Variants in MDN1 observed in about 807,000 individuals in gnomAD.
MDN1 encodes midasin AAA ATPase 1.
Under a neutral mutation model 669.2 loss-of-function variants are expected in MDN1, and 266 were observed. The ratio of observed to expected loss-of-function variants is 0.40; its 90% CI spans 0.36 to 0.44. The LOEUF (loss-of-function observed/expected upper bound fraction) is 0.44. Among genes scored for constraint, MDN1 ranks in the 20% least tolerant of loss-of-function variants. The pLI, the probability that MDN1 is intolerant of heterozygous loss-of-function variation, is 1.00. For synonymous variants in MDN1, 2,385 were observed against 2,457.1 expected (o/e 0.97, Z 0.87); for missense variants, 5,940 against 6,754.0 (o/e 0.88, Z 4.22).
chr6:89,747,362 C>T lies in MDN1; in HGVS notation c.3871G>A (p.Glu1291Lys), dbSNP rs773588548. The T allele has an allele frequency of 3.1e-6, 5 of 1,614,120 alleles. No individual in the cohort carries two copies. The South Asian group carries it at 5.5e-5, about 18-fold the overall frequency. ...GCTAAATGCTGTAGCCAGTCATACT[C>T]CTTCTCGGTCGGCTCAGCCAATCTG... ...RYRLAEPTEK[E>K]YDWLQHLAND... The change falls in exon 27 of 102, where the codon GAG (glutamate) becomes AAG (lysine). Residue 1291 changes from glutamate (E) to lysine (K), a missense_variant. By Grantham distance (56) the Glu-to-Lys change is moderately conservative. This residue lies in a region of MDN1 where 2,292 missense variants were observed against 2,638.3 expected (regional missense o/e 0.87). Coordinates refer to ENST00000369393, the MANE Select transcript of MDN1 (RefSeq NM_014611.3).
chr6:89,687,512 T>G, intron 67 of MDN1, 74 bp from the exon 68 acceptor site: 1 of 1,357,052 alleles, frequency 7.4e-7, no homozygotes, highest in Non-Finnish European at 1.0e-6. Flanking sequence ...AAGAACATCT[T>G]GAACTTTGCT....
At chr6:89,814,877 T>TCCTAGAAACC (rs770962661) in intron 1 of MDN1, 20 of 496,572 alleles carry the variant, frequency 4.0e-5, no homozygotes, top group Admixed American at 3.8e-4. Flanking sequence ...GACAGGTACC[T>TCCTAGAAACC]CCTAGAAACC....
chr6:89,776,554 A>G (rs1217722616), intron 12 of MDN1, 46 bp downstream of exon 12: 1 of 1,471,660 alleles, frequency 6.8e-7, no homozygotes, highest in East Asian at 2.3e-5. Flanking sequence ...CAAGCAAAAA[A>G]TCCTAGCCTC....
intron 53 of MDN1, among the ~76,000 whole-genome samples, chr6:89,703,279 C>A (rs1285286744): frequency 6.6e-6 from 1 of 151,208 alleles, no homozygotes; most frequent in African/African-American, 2.4e-5. Flanking sequence ...TCTTCCATCA[C>A]CATTTACTGA....
At chr6:89,716,936 G>GCAAAACATTCTTCT in intron 43 of MDN1, 127 bp from the exon 44 acceptor site, 1 of 1,081,854 alleles carries the variant, frequency 9.2e-7, no homozygotes, top group Non-Finnish European at 1.3e-6. Context: ...ATAAATAGAA[G>GCAAAACATTCTTCT]AATGTTTTGC....
chr6:89,778,603 G>A (rs560705008), intron 11 of MDN1, among the ~76,000 whole-genome samples: 75 of 152,206 alleles, frequency 4.9e-4, no homozygotes, highest in Non-Finnish European at 9.4e-4. Flanking sequence ...GGCATAGGGT[G>A]ACTGGGCGCA....
chr6:89,719,795 C>CA (rs1027780779), intron 40 of MDN1, among the ~76,000 whole-genome samples: 7 of 152,088 alleles, frequency 4.6e-5, no homozygotes, highest in Admixed American at 3.3e-4. Context: ...AGTCAGCCTC[C>CA]AAAAAACATG....
At chr6:89,730,033 C>T (rs1293523191) in intron 35 of MDN1, among the ~76,000 whole-genome samples, 1 of 152,066 alleles carries the variant, frequency 6.6e-6, no homozygotes, top group Non-Finnish European at 1.5e-5. Context: ...ATAGAGAGGG[C>T]GGAGGGACAA....
intron 1 of MDN1, among the ~76,000 whole-genome samples, chr6:89,813,884 G>A: frequency 6.7e-6 from 1 of 149,388 alleles, no homozygotes. Context: ...TTTGAGACCA[G>A]CCTAGGCAAC....
At chr6:89,785,301 A>T (rs1204041095) in intron 8 of MDN1, among the ~76,000 whole-genome samples, 175 bp from the exon 9 acceptor site, 1 of 152,256 alleles carries the variant, frequency 6.6e-6, no homozygotes, top group African/African-American at 2.4e-5. Context: ...TGAAAGGCTG[A>T]CAGTTAACCC....
intron 39 of MDN1, 126 bp from the exon 40 acceptor site, chr6:89,723,269 CCT>C: frequency 1.0e-6 from 1 of 989,026 alleles, no homozygotes; most frequent in Non-Finnish European, 1.5e-6. Flanking sequence ...TGATTCAGAG[CCT>C]CTTTCTCAAG....
chr6:89,771,027 T>TA (rs1818054098), intron 15 of MDN1, among the ~76,000 whole-genome samples: 1 of 152,136 alleles, frequency 6.6e-6, no homozygotes, highest in East Asian at 1.9e-4. Context: ...CAAGGTGCCT[T>TA]AGAGAGACTA....
At chr6:89,657,913 G>C (rs1809438351) in intron 90 of MDN1, among the ~76,000 whole-genome samples, 2 of 152,198 alleles carry the variant, frequency 1.3e-5, no homozygotes, top group African/African-American at 4.8e-5. Context: ...CAGGTTTGCA[G>C]CCTAAGGGCA....
chr6:89,654,946 G>C (rs1200093871), intron 92 of MDN1, among the ~76,000 whole-genome samples: 3 of 152,182 alleles, frequency 2.0e-5, no homozygotes, highest in Admixed American at 2.0e-4. Flanking sequence ...GATCTTGCGT[G>C]AGTGAGTTCT....
chr6:89,818,316 G>C (rs1243110222), intron 1 of MDN1, among the ~76,000 whole-genome samples: 1 of 66,856 alleles, frequency 1.5e-5, no homozygotes, highest in Non-Finnish European at 2.6e-5. Flanking sequence ...GCGTGCCTCC[G>C]TCTCAAAAAA....
intron 90 of MDN1, among the ~76,000 whole-genome samples, chr6:89,657,219 T>G (rs146839167): frequency 6.6e-6 from 1 of 152,178 alleles, no homozygotes; most frequent in Non-Finnish European, 1.5e-5. Flanking sequence ...CATGGGGACA[T>G]AGAGAGGACT....
At chr6:89,709,458 GA>G (rs1255800911) in intron 50 of MDN1, among the ~76,000 whole-genome samples, 17 of 152,214 alleles carry the variant, frequency 1.1e-4, no homozygotes, top group African/African-American at 4.1e-4. Flanking sequence ...TGCTGAAAAT[GA>G]AAGCTGCTAC....
intron 1 of MDN1, among the ~76,000 whole-genome samples, chr6:89,817,593 T>A (rs60312133): frequency 0.015 from 2,275 of 152,206 alleles, 61 homozygotes; most frequent in African/African-American, 0.052. Flanking sequence ...AGAAGAGAGA[T>A]GTAGCCTTCT....
intron 43 of MDN1, 135 bp from the exon 44 acceptor site, chr6:89,716,944 T>C (rs1814415951): frequency 2.0e-6 from 2 of 1,023,428 alleles, no homozygotes; most frequent in South Asian, 1.9e-5. Flanking sequence ...AAGAATGTTT[T>C]GCTTCTGTTT....
Sources: gnomAD v4.1 joint callset for allele counts (sites outside exome capture counted in the v4.1 genomes callset) on GRCh38, gnomAD v4.1.1 for gene constraint, gnomAD v4.1.1 regional missense constraint, MANE v1.5 for transcripts, NCBI Gene and HGNC (gene_info 2026-07-23, HGNC 2026-07-21) for gene names.